The following HEYL variants were observed in gnomAD, a reference collection of about 807,000 sequenced individuals.
HEYL encodes the protein hairy/enhancer-of-split related with YRPW motif-like protein.
HEYL carries 12 observed loss-of-function variants against 18.6 expected under a neutral mutation model. The ratio of observed to expected loss-of-function variants is 0.65; its 90% CI spans 0.41 to 1.05. The LOEUF (loss-of-function observed/expected upper bound fraction) is 1.05. HEYL is among the 50% of genes least tolerant of loss of function. The pLI, the probability that HEYL is intolerant of heterozygous loss-of-function variation, is 0.00. For missense variants in HEYL, 420 were observed against 444.7 expected, an observed-to-expected ratio of 0.94 and a Z score of 0.50; for synonymous variants, 159 against 179.6, an observed-to-expected ratio of 0.89 and a Z score of 0.91.
At chr1:39,630,806 T>G (rs949000187) in intron 3 of HEYL, among the ~76,000 whole-genome samples, 20 of 152,226 alleles carry the variant, frequency 1.3e-4, no homozygotes, top group African/African-American at 4.8e-4. Flanking sequence ...TTTTCTCTCT[T>G]GGGAAATGCT....
At position 39,625,848 on chromosome 1, in the gene HEYL, G is replaced by T; in HGVS notation, c.*659C>A. 1 of 153,228 alleles carries T rather than the reference G, an allele frequency of 6.5e-6. No homozygotes were observed. Among genetic ancestry groups the T allele is most frequent in the Non-Finnish European group, 1.5e-5 (1 of 68,730 alleles). 9.5% of individuals were successfully genotyped at this position (153,228 alleles called of 1,614,324 possible). A position where few individuals can be genotyped will look rare whatever the true frequency, so the allele number is the denominator to read the frequency against. On this transcript the variant is annotated 3_prime_UTR_variant, in exon 5 of 5. Coordinates refer to ENST00000372852, the MANE Select transcript of HEYL (RefSeq NM_014571.4). ...CCTGTTAGTCAGTGAGAGGGTGGGTGTCTGCTGCTGGGAGGAGGGTGGGAG... is the reference window on the plus strand; with the variant it reads ...CCTGTTAGTCAGTGAGAGGGTGGGTTTCTGCTGCTGGGAGGAGGGTGGGAG...
chr1:39,633,013 C>A, intron 1 of HEYL: 1 of 973,498 alleles, frequency 1.0e-6, no homozygotes, highest in South Asian at 4.8e-5. Flanking sequence ...GCTCCTGCAA[C>A]CCGATCCCCG....
rs1329854462 is a variant in HEYL at position 39,639,601 on chromosome 1, C to T, written c.25G>A (p.Gly9Ser). 1.3e-6 allele frequency: 2 copies of T among 1,575,596 alleles called. No homozygotes were observed. Among genetic ancestry groups the T allele is most frequent in the Non-Finnish European group, 1.7e-6 (2 of 1,166,148 alleles). ...GGTCCGTCGGACTCCCCGTCGGAGC[C>T]GCTCGGCTCCTTGGGTCGCTTCATG... Reference protein sequence around the residue: MKRPKEPSGSDGESDGPID... With the variant: MKRPKEPSSSDGESDGPID... The change falls in exon 1 of 5, where the codon GGC becomes AGC. Residue 9 changes from glycine (G) to serine (S), a missense_variant. Gly to Ser is a moderately conservative substitution (Grantham distance 56, BLOSUM62 0). Transcript: ENST00000372852.
chr1:39,638,021 C>T (rs1646368954), intron 1 of HEYL, among the ~76,000 whole-genome samples: 2 of 152,194 alleles, frequency 1.3e-5, no homozygotes, highest in Non-Finnish European at 2.9e-5. Context: ...TTTGAGACCC[C>T]GCTCCACCAC....
chr1:39,627,792 C>T (rs999903522), intron 4 of HEYL, among the ~76,000 whole-genome samples: 12 of 152,144 alleles, frequency 7.9e-5, no homozygotes, highest in Admixed American at 1.3e-4. Flanking sequence ...CAGTGCCTAC[C>T]GTATAGAGTT....
intron 2 of HEYL, 98 bp downstream of exon 2, chr1:39,632,551 T>A: frequency 1.9e-6 from 2 of 1,048,486 alleles, no homozygotes; most frequent in Non-Finnish European, 2.8e-6. Context: ...GTTAGCTTCA[T>A]GGTGAAATTT....
intron 4 of HEYL, among the ~76,000 whole-genome samples, chr1:39,628,031 G>A (rs773096967): frequency 4.6e-5 from 7 of 152,128 alleles, no homozygotes; most frequent in Non-Finnish European, 1.0e-4. Flanking sequence ...CATCCTCACT[G>A]CCTCTCCATA....
At chr1:39,632,940 T>TCCTCGCTCCTCGCC (rs1646342963) in intron 1 of HEYL, 2 of 984,474 alleles carry the variant, frequency 2.0e-6, no homozygotes, top group South Asian at 4.7e-5. Context: ...CGCCCCTCGC[T>TCCTCGCTCCTCGCC]CCTCGCTCCT....
At chr1:39,635,463 G>A (rs932689309) in intron 1 of HEYL, among the ~76,000 whole-genome samples, 1 of 152,170 alleles carries the variant, frequency 6.6e-6, no homozygotes, top group Non-Finnish European at 1.5e-5. Context: ...CCCATTTCAG[G>A]GCAAAGCAGT....
intron 2 of HEYL, 40 bp from the exon 3 acceptor site, chr1:39,631,619 TCA>T (rs1646334105): frequency 1.3e-6 from 2 of 1,565,938 alleles, no homozygotes; most frequent in East Asian, 2.2e-5. Context: ...AGGTGTGTCA[TCA>T]CAGTTTCCAA....
chr1:39,627,182 T>C lies in HEYL; in HGVS notation c.314-2A>G, dbSNP rs1646305886. ...CCAGGGCTCGGGCATCAAAGAATCC[T>C]GCAAAGGGAGGCGTGATGAAGGTCA... On this transcript the variant is annotated splice_acceptor_variant, in intron 4 of 4. Transcript: ENST00000372852. LOFTEE classifies it high-confidence loss of function. 1 of 1,608,688 alleles carries C rather than the reference T, an allele frequency of 6.2e-7. No individual in the cohort carries two copies.
chr1:39,625,298 A>G lies in HEYL; in HGVS notation c.*1209T>C, dbSNP rs1255613631. The G allele has an allele frequency of 6.6e-6, 1 of 152,206 alleles. No individual in the cohort carries two copies. Among genetic ancestry groups the G allele is most frequent in the African/African-American group, 2.4e-5 (1 of 41,436 alleles). The allele number at this position is 152,206 out of a possible 1,614,324, so 9.4% of individuals were successfully genotyped here. ...CTGTTCTGCTGGGAACGACTGCTGG[A>G]CCATTTGTTTCCTCTGTTAGAAAAA... On this transcript the variant is annotated 3_prime_UTR_variant, in exon 5 of 5. Coordinates refer to ENST00000372852, the MANE Select transcript of HEYL (RefSeq NM_014571.4).
intron 1 of HEYL, 106 bp from the exon 2 acceptor site, chr1:39,632,821 G>C: frequency 6.5e-7 from 1 of 1,547,704 alleles, no homozygotes; most frequent in Admixed American, 2.0e-5. Context: ...AGAAGGAGCA[G>C]CTTGCTCTCC....
chr1:39,631,342 T>G (rs1646331663), intron 3 of HEYL, among the ~76,000 whole-genome samples, 154 bp downstream of exon 3: 1 of 152,148 alleles, frequency 6.6e-6, no homozygotes, highest in Non-Finnish European at 1.5e-5. Flanking sequence ...AAGTATAAAT[T>G]TCCATTCCTT....
intron 1 of HEYL, among the ~76,000 whole-genome samples, chr1:39,634,969 T>TGG: frequency 6.6e-6 from 1 of 152,304 alleles, no homozygotes; most frequent in African/African-American, 2.4e-5. Flanking sequence ...CTTTGTGGAA[T>TGG]GGGGGCGTAT....
Position 39,623,508 on chromosome 1 carries a change from G to A in HEYL, c.*2999C>T, listed in dbSNP as rs974789585. Among the ~76,000 whole-genome samples, 1 of 152,244 alleles carries A rather than the reference G, an allele frequency of 6.6e-6. No individual in the cohort carries two copies. The highest frequency in any genetic ancestry group is 2.4e-5 in the African/African-American group (1 of 41,470). On this transcript the variant is annotated 3_prime_UTR_variant, in exon 5 of 5. Transcript: ENST00000372852. Reference sequence around the variant, plus strand: ...CTGTGCTCAATGCTGGGTACAGAGTGGAGACTGAACCAGGCATGGCACCTG... The same window carrying A: ...CTGTGCTCAATGCTGGGTACAGAGTAGAGACTGAACCAGGCATGGCACCTG...
Position 39,625,524 on chromosome 1 carries a change from C to T in HEYL, c.*983G>A, listed in dbSNP as rs1234929598. 1.3e-5 allele frequency: 2 copies of T among 152,272 alleles called. No homozygotes were observed. The highest frequency in any genetic ancestry group is 3.8e-4 in the East Asian group (2 of 5,196). The allele number at this position is 152,272 out of a possible 1,614,324, so 9.4% of individuals were successfully genotyped here. On this transcript the variant is annotated 3_prime_UTR_variant, in exon 5 of 5. Coordinates refer to ENST00000372852, the MANE Select transcript of HEYL (RefSeq NM_014571.4). ...TCCTTGGCTGTTCCAGCAGTCTGGG[C>T]TCTGTGAGCCGGATGCAAACCAGGC...
In HEYL at chr1:39,623,938, G is replaced by C. The variant is rs1044451515; in HGVS notation, c.*2569C>G. ...ACCTTTAGAACAATAGGGTAAGAGA[G>C]TGAGGTTTTCAAACTAAAGATGATA... On this transcript the variant is annotated 3_prime_UTR_variant, in exon 5 of 5. Transcript: ENST00000372852. 6.6e-6 allele frequency among the ~76,000 whole-genome samples: 1 copy of C among 152,206 alleles called. No individual in the cohort carries two copies. Among genetic ancestry groups the C allele is most frequent in the Non-Finnish European group, 1.5e-5 (1 of 68,034 alleles).
intron 4 of HEYL, 71 bp from the exon 5 acceptor site, chr1:39,627,251 G>A (rs1646306269): frequency 7.1e-7 from 1 of 1,415,706 alleles, no homozygotes; most frequent in South Asian, 1.3e-5. Flanking sequence ...CTGACTGTCT[G>A]AGTTCTGGAC....
Sources: allele counts gnomAD v4.1 joint callset (sites outside exome capture counted in the v4.1 genomes callset), GRCh38; gene constraint gnomAD v4.1.1; transcripts MANE v1.5; gene names NCBI Gene and HGNC (gene_info 2026-07-23, HGNC 2026-07-21).